KATNAL2: variants seen among roughly 807,000 people sequenced by gnomAD.
KATNAL2 encodes the protein katanin catalytic subunit A1 like 2.
A neutral mutation model predicts 76.3 loss-of-function variants in KATNAL2; 52 were observed. The ratio of observed to expected loss-of-function variants is 0.68; its 90% confidence interval spans 0.55 to 0.86. The LOEUF (loss-of-function observed/expected upper bound fraction) is 0.86. Among genes scored for constraint, KATNAL2 ranks in the 40% least tolerant of loss-of-function variants. The pLI is 0.00. For synonymous variants in KATNAL2, 243 were observed against 244.2 expected (o/e 1.00, Z 0.05); for missense variants, 660 against 668.9 (o/e 0.99, Z 0.15).
At position 47,084,315 on chromosome 18, in the gene KATNAL2, C is replaced by T. The variant is rs1433137081; in HGVS notation, c.1211+6854C>T. 7 of 702,644 alleles carry T rather than the reference C, an allele frequency of 1.0e-5. No homozygotes were observed. In the African/African-American group the frequency reaches 1.2e-4, roughly 12 times the overall value. 43.5% of individuals were successfully genotyped at this position (702,644 alleles called of 1,614,324 possible). A position where few individuals can be genotyped will look rare whatever the true frequency, so the allele number is the denominator to read the frequency against. On this transcript the variant is annotated intron_variant, in intron 15 of 17. Coordinates refer to ENST00000683218, the MANE Select transcript of KATNAL2 (RefSeq NM_001387690.1). Reference sequence around the variant, plus strand: ...GATTGGAGGGATAAGCAGATGTAACCCTTGTTCTTTCCATAGTAACCACAT... The same window carrying T: ...GATTGGAGGGATAAGCAGATGTAACTCTTGTTCTTTCCATAGTAACCACAT...
At chr18:46,940,043 C>T (rs1161886075) in intron 1 of KATNAL2, among the ~76,000 whole-genome samples, 1 of 152,184 alleles carries the variant, frequency 6.6e-6, no homozygotes, top group Non-Finnish European at 1.5e-5. Context: ...CATTTAATCC[C>T]TACCACATTA....
Position 47,033,191 on chromosome 18 carries a change from CGCT to C in KATNAL2, c.52-13259_52-13257del. The C allele has an allele frequency of 2.5e-6, 4 of 1,614,124 alleles. 1 individual carries two copies. On this transcript the variant is annotated intron_variant, in intron 3 of 17. Coordinates refer to ENST00000683218, the MANE Select transcript of KATNAL2 (RefSeq NM_001387690.1). ...CTGCTGCTGCTGTCTCTGCCACCGCCGCTGCTGCTCTGGCTGGAGGGAGTGTGG... is the reference window on the plus strand; with the variant it reads ...CTGCTGCTGCTGTCTCTGCCACCGCCGCTGCTCTGGCTGGAGGGAGTGTGG...
At chr18:46,942,892 G>C (rs1208944604) in intron 1 of KATNAL2, among the ~76,000 whole-genome samples, 1 of 151,620 alleles carries the variant, frequency 6.6e-6, no homozygotes, top group Non-Finnish European at 1.5e-5. Flanking sequence ...AGATGTTGTT[G>C]AGTACCTAAA....
intron 15 of KATNAL2, chr18:47,077,662 C>A (rs1023468574): frequency 1.3e-5 from 6 of 466,436 alleles, no homozygotes; most frequent in African/African-American, 9.6e-5. Flanking sequence ...GAAACACAGG[C>A]CAGGGTGACC....
At chr18:46,937,790 T>A (rs529987967) in intron 1 of KATNAL2, among the ~76,000 whole-genome samples, 1 of 152,342 alleles carries the variant, frequency 6.6e-6, no homozygotes, top group African/African-American at 2.4e-5. Context: ...TAGTAGATAC[T>A]GTGATATATT....
intron 3 of KATNAL2, among the ~76,000 whole-genome samples, chr18:47,032,055 C>G (rs1050940085): frequency 3.9e-5 from 6 of 152,204 alleles, no homozygotes; most frequent in African/African-American, 1.4e-4. Context: ...ATTAGAAAAT[C>G]TGATTGGCCT....
chr18:47,041,225 T>G (rs974799328), intron 3 of KATNAL2, among the ~76,000 whole-genome samples: 2 of 152,152 alleles, frequency 1.3e-5, no homozygotes, highest in African/African-American at 4.8e-5. Flanking sequence ...CAAAGTCCAT[T>G]TTACATGAGG....
chr18:46,933,907 T>C (rs2059011480), intron 1 of KATNAL2, among the ~76,000 whole-genome samples: 1 of 149,298 alleles, frequency 6.7e-6, no homozygotes, highest in Admixed American at 6.7e-5. Context: ...GTTTGGTTTT[T>C]TGTCCTTGCG....
chr18:46,961,238 G>A (rs906439912), intron 3 of KATNAL2, among the ~76,000 whole-genome samples: 3 of 146,716 alleles, frequency 2.0e-5, no homozygotes, highest in Non-Finnish European at 3.0e-5. Context: ...TTAACTTTTC[G>A]CTTTCTCCCT....
intron 8 of KATNAL2, among the ~76,000 whole-genome samples, chr18:47,062,445 G>A (rs916172635): frequency 1.3e-5 from 2 of 151,072 alleles, no homozygotes; most frequent in African/African-American, 4.9e-5. Context: ...CTCATACATT[G>A]TTGGTGGAAA....
At chr18:47,061,148 G>C (rs1439318004) in intron 8 of KATNAL2, among the ~76,000 whole-genome samples, 1 of 152,194 alleles carries the variant, frequency 6.6e-6, no homozygotes, top group East Asian at 1.9e-4. Flanking sequence ...GAAAACCCCA[G>C]GTCTGTCATT....
rs372483756 is a variant in KATNAL2 at position 46,950,544 on chromosome 18, A to G, written c.51+3621A>G. 3.3e-5 allele frequency among the ~76,000 whole-genome samples: 5 copies of G among 152,342 alleles called. No homozygotes were observed. In the East Asian group the frequency reaches 9.6e-4, roughly 29 times the overall value. ...ATTTTTAACAAAGTAATGGCAGCAC[A>G]TCACTTAAAATTATAATAGTTCAAC... On this transcript the variant is annotated intron_variant, in intron 3 of 17. Transcript: ENST00000683218.
At chr18:47,083,790 C>G (rs1568012322) in intron 15 of KATNAL2, among the ~76,000 whole-genome samples, 1 of 152,162 alleles carries the variant, frequency 6.6e-6, no homozygotes, top group Non-Finnish European at 1.5e-5. Flanking sequence ...TTCACAAACT[C>G]AAGCCTAAGG....
chr18:46,952,827 CTTTT>C (rs1176710523), intron 3 of KATNAL2, among the ~76,000 whole-genome samples: 2 of 150,634 alleles, frequency 1.3e-5, no homozygotes, highest in Non-Finnish European at 3.0e-5. Context: ...CTTTTTCTTT[CTTTT>C]GTTTCCTTCC....
intron 12 of KATNAL2, 76 bp downstream of exon 12, chr18:47,069,359 T>C: frequency 7.1e-7 from 1 of 1,398,784 alleles, no homozygotes; most frequent in Non-Finnish European, 1.0e-6. Context: ...TGTCCTCACT[T>C]CAGGACTGGG....
intron 7 of KATNAL2, among the ~76,000 whole-genome samples, chr18:47,059,035 T>G (rs1268478112): frequency 6.6e-6 from 1 of 152,152 alleles, no homozygotes; most frequent in Admixed American, 6.5e-5. Context: ...ATTAAAAAAA[T>G]TAATGTCAAA....
intron 3 of KATNAL2, among the ~76,000 whole-genome samples, chr18:47,038,669 T>C (rs1184326211): frequency 1.3e-5 from 2 of 152,196 alleles, no homozygotes; most frequent in Non-Finnish European, 2.9e-5. Flanking sequence ...TTCAATACCT[T>C]ACCAAATCTG....
intron 1 of KATNAL2, among the ~76,000 whole-genome samples, chr18:46,921,980 T>G (rs980119091): frequency 6.6e-6 from 1 of 152,138 alleles, no homozygotes; most frequent in Admixed American, 6.6e-5. Flanking sequence ...GCTAAGCATA[T>G]ATCTATTTAT....
intron 14 of KATNAL2, chr18:47,076,603 A>G (rs1179288245): frequency 6.6e-6 from 1 of 151,976 alleles, no homozygotes; most frequent in Non-Finnish European, 1.5e-5. Context: ...CCGAATTTCC[A>G]TTTCCCTGTC....
Sources: allele counts gnomAD v4.1 joint callset (sites outside exome capture counted in the v4.1 genomes callset), GRCh38; gene constraint gnomAD v4.1.1; transcripts MANE v1.5; gene names NCBI Gene and HGNC (gene_info 2026-07-23, HGNC 2026-07-21).